The following ATXN2 variants were observed in gnomAD, a reference collection of about 807,000 sequenced individuals.
The protein encoded by ATXN2 is ataxin 2, also known as ataxin-2.
Under a neutral mutation model 138.6 loss-of-function variants are expected in ATXN2, and 37 were observed. The observed-to-expected ratio is 0.27, with a 90% CI of 0.21 to 0.35. ATXN2 has a LOEUF of 0.35. Ranked by LOEUF, ATXN2 falls within the 10% of genes least tolerant of loss-of-function variation. The pLI, the probability that ATXN2 is intolerant of heterozygous loss-of-function variation, is 1.00. For synonymous variants in ATXN2, 549 were observed against 543.7 expected, an observed-to-expected ratio of 1.01 and a Z score of -0.13; for missense variants, 1,216 against 1,480.3, an observed-to-expected ratio of 0.82 and a Z score of 2.93.
chr12:111,535,336 A>G (rs598711), intron 5 of ATXN2, among the ~76,000 whole-genome samples: 30,785 of 152,010 alleles, frequency 0.2, 3,189 homozygotes, highest in East Asian at 0.33. Context: ...GTAAAAGAAG[A>G]AGGCACAGGG....
At chr12:111,559,566 G>A (rs1461452575) in intron 1 of ATXN2, among the ~76,000 whole-genome samples, 1 of 151,054 alleles carries the variant, frequency 6.6e-6, no homozygotes, top group Admixed American at 6.6e-5. Context: ...GAGCTCAGAA[G>A]TTCAAGACCA....
intron 1 of ATXN2, among the ~76,000 whole-genome samples, chr12:111,580,937 G>A (rs527521868): frequency 9.9e-5 from 15 of 151,876 alleles, no homozygotes; most frequent in Non-Finnish European, 1.3e-4. Context: ...TCATGAGTTC[G>A]AGACCAGCCT....
intron 5 of ATXN2, among the ~76,000 whole-genome samples, chr12:111,535,917 G>A (rs925802709): frequency 6.8e-6 from 1 of 146,998 alleles, no homozygotes; most frequent in Admixed American, 6.7e-5. Flanking sequence ...GGAGAATGGC[G>A]TGAACCCAGG....
Position 111,512,305 on chromosome 12 carries a change from T to G in ATXN2, c.1558+1052A>C, listed in dbSNP as rs184659972. On this transcript the variant is annotated intron_variant, in intron 11 of 24. Coordinates refer to ENST00000673436, the MANE Select transcript of ATXN2 (RefSeq NM_001372574.1). Reference sequence around the variant, plus strand: ...CTGATTAAAAGAGAAAAAGTGTTTTTTTTGTTTGTTTGTTTGTTTGTTTTA... The same window carrying G: ...CTGATTAAAAGAGAAAAAGTGTTTTGTTTGTTTGTTTGTTTGTTTGTTTTA... Among the ~76,000 whole-genome samples, 159 of 152,268 alleles carry G rather than the reference T, an allele frequency of 1.0e-3. 1 individual carries two copies. Among genetic ancestry groups the G allele is most frequent in the Non-Finnish European group, 1.6e-3 (110 of 68,008 alleles).
intron 1 of ATXN2, among the ~76,000 whole-genome samples, chr12:111,557,110 AC>A (rs1882436917): frequency 6.6e-6 from 1 of 152,222 alleles, no homozygotes; most frequent in African/African-American, 2.4e-5. Flanking sequence ...TAATTAAAAA[AC>A]ATCATTAAAG....
At chr12:111,468,640 G>C (rs1285384944) in intron 20 of ATXN2, 1 of 151,164 alleles carries the variant, frequency 6.6e-6, no homozygotes, top group Non-Finnish European at 1.5e-5. Context: ...AAGGACAGAG[G>C]TGGTATGAAA....
intron 2 of ATXN2, among the ~76,000 whole-genome samples, chr12:111,555,378 T>G (rs1334148734): frequency 1.3e-5 from 2 of 152,160 alleles, no homozygotes; most frequent in Non-Finnish European, 2.9e-5. Context: ...ATTATAATAA[T>G]TCTCGTGTGT....
At chr12:111,589,128 A>T (rs1884515415) in intron 1 of ATXN2, among the ~76,000 whole-genome samples, 1 of 150,714 alleles carries the variant, frequency 6.6e-6, no homozygotes, top group Non-Finnish European at 1.5e-5. Flanking sequence ...CAGCCTGGCC[A>T]ACATGATGAA....
intron 21 of ATXN2, among the ~76,000 whole-genome samples, chr12:111,460,509 A>G (rs888369343): frequency 6.6e-6 from 1 of 152,220 alleles, no homozygotes; most frequent in African/African-American, 2.4e-5. Context: ...TCTAAGGAAA[A>G]GCAATTCCCA....
intron 1 of ATXN2, among the ~76,000 whole-genome samples, chr12:111,597,071 G>A (rs1410049992): frequency 6.9e-6 from 1 of 145,810 alleles, no homozygotes; most frequent in South Asian, 2.1e-4. Context: ...GGAAACTGAA[G>A]TTACCCTACT....
chr12:111,573,682 ATATGGCACTACCAGCC>A (rs1479436300), intron 1 of ATXN2, among the ~76,000 whole-genome samples: 1 of 152,172 alleles, frequency 6.6e-6, no homozygotes, highest in Non-Finnish European at 1.5e-5. Context: ...TGTAAAACAG[ATATGGCACTACCAGCC>A]TGACAGGCTG....
At chr12:111,530,401 G>C (rs1880753963) in intron 5 of ATXN2, among the ~76,000 whole-genome samples, 1 of 152,202 alleles carries the variant, frequency 6.6e-6, no homozygotes, top group Admixed American at 6.5e-5. Context: ...AAAGGCTCTG[G>C]GCTTTCTAAA....
intron 14 of ATXN2, among the ~76,000 whole-genome samples, chr12:111,500,291 T>C (rs1878678776): frequency 6.6e-6 from 1 of 152,138 alleles, no homozygotes; most frequent in South Asian, 2.1e-4. Context: ...TAAAAAAGAA[T>C]GAGATCCTGT....
chr12:111,453,054 A>T lies in ATXN2; in HGVS notation c.3440-214T>A. Reference sequence around the variant, plus strand: ...TCAGACGTAAAACCACTTCAGATAAAACTCCCAGAAGACTTGTTCATGGGG... The same window carrying T: ...TCAGACGTAAAACCACTTCAGATAATACTCCCAGAAGACTTGTTCATGGGG... On this transcript the variant is annotated intron_variant, in intron 24 of 24. Transcript: ENST00000673436. This position sits in a 1 kb window ranked among gnomAD's most constrained non-coding sequence, Gnocchi z 5.4. The T allele has an allele frequency of 2.3e-6, 3 of 1,294,270 alleles. No individual in the cohort carries two copies. The highest frequency in any genetic ancestry group is 2.9e-6 in the Non-Finnish European group (3 of 1,023,214). The allele number at this position is 1,294,270 out of a possible 1,614,324, so 80.2% of individuals were successfully genotyped here. A position where few individuals can be genotyped will look rare whatever the true frequency, so the allele number is the denominator to read the frequency against.
chr12:111,567,379 A>G (rs1274525122), intron 1 of ATXN2, among the ~76,000 whole-genome samples: 1 of 151,970 alleles, frequency 6.6e-6, no homozygotes, highest in African/African-American at 2.4e-5. Context: ...ATGCACCTGT[A>G]GTCCCAGATA....
chr12:111,561,101 T>C (rs1439985433), intron 1 of ATXN2, among the ~76,000 whole-genome samples: 1 of 149,710 alleles, frequency 6.7e-6, no homozygotes, highest in East Asian at 2.0e-4. Context: ...AGGACAATGG[T>C]GTGAACTTGG....
In ATXN2 at chr12:111,552,474, T is replaced by G. The variant is rs368640934; in HGVS notation, c.421-44A>C. 1.3e-6 allele frequency: 2 copies of G among 1,554,742 alleles called. No homozygotes were observed. Among genetic ancestry groups the G allele is most frequent in the African/African-American group, 2.8e-5 (2 of 71,240 alleles). On this transcript the variant is annotated intron_variant, in intron 4 of 24. Transcript: ENST00000673436. The surrounding 1 kb of genome is among the most constrained non-coding windows in gnomAD (Gnocchi z 4.1). Reference sequence around the variant, plus strand: ...GTAAGTACTCCAAACCTTTACAAAATAAAATTTGTTAGGAATTCTTTAGCT... The same window carrying G: ...GTAAGTACTCCAAACCTTTACAAAAGAAAATTTGTTAGGAATTCTTTAGCT...
Position 111,452,787 on chromosome 12 carries a change from G to T in ATXN2, c.*25C>A. On this transcript the variant is annotated 3_prime_UTR_variant, in exon 25 of 25. Coordinates refer to ENST00000673436, the MANE Select transcript of ATXN2 (RefSeq NM_001372574.1). ...GCAGTAGAAGGGAGGAGGGAATTTG[G>T]CCTTTCGGTTCCTCCAGGGCAGCCT... 6.2e-7 allele frequency: 1 copy of T among 1,610,194 alleles called. No homozygotes were observed. The highest frequency in any genetic ancestry group is 1.1e-5 in the South Asian group (1 of 91,002).
chr12:111,471,035 C>G (rs1362635465), intron 18 of ATXN2: 2 of 366,612 alleles, frequency 5.5e-6, no homozygotes, highest in Non-Finnish European at 1.0e-5. Flanking sequence ...CAGACTTGAT[C>G]AAGTCCCTGT....
Sources: allele counts gnomAD v4.1 joint callset (sites outside exome capture counted in the v4.1 genomes callset), GRCh38; gene constraint gnomAD v4.1.1; non-coding constraint Gnocchi (gnomAD v3.1); transcripts MANE v1.5; gene names NCBI Gene and HGNC (gene_info 2026-07-23, HGNC 2026-07-21).